Variants in FGF13 observed in about 807,000 individuals in gnomAD.
FGF13 encodes fibroblast growth factor 13.
Under a neutral mutation model 19.5 loss-of-function variants are expected in FGF13, and 2 were observed. That is an observed-to-expected ratio of 0.10 (90% CI 0.04 to 0.32). The LOEUF is 0.32. Ranked by LOEUF, FGF13 falls within the 10% of genes least tolerant of loss-of-function variation. FGF13 has a pLI of 1.00. For missense variants in FGF13, 113 were observed against 192.7 expected, an observed-to-expected ratio of 0.59 and a Z score of 2.45; for synonymous variants, 72 against 76.9, an observed-to-expected ratio of 0.94 and a Z score of 0.33.
At chrX:139,028,620 A>C (rs796789914) in intron 1 of FGF13, among the ~76,000 whole-genome samples, 1 of 30,422 alleles carries the variant, frequency 3.3e-5, no homozygotes, top group Non-Finnish European at 6.9e-5. Context: ...TGTGTGTGAG[A>C]GAGAGAGAGA....
intron 2 of FGF13, among the ~76,000 whole-genome samples, chrX:138,860,005 TCTC>T (rs985846501): frequency 9.1e-5 from 10 of 110,044 alleles, no homozygotes; most frequent in African/African-American, 3.3e-4. Context: ...TCAGGCTGTC[TCTC>T]CTCAATACCT....
intron 3 of FGF13, among the ~76,000 whole-genome samples, chrX:138,775,194 A>G (rs570088949): frequency 2.7e-5 from 3 of 112,265 alleles, no homozygotes; most frequent in African/African-American, 9.7e-5. Context: ...TCTGACCTCA[A>G]GTGATCCACC....
chrX:139,010,313 A>T (rs1743295373), intron 1 of FGF13, among the ~76,000 whole-genome samples: 1 of 111,659 alleles, frequency 9.0e-6, no homozygotes, highest in Non-Finnish European at 1.9e-5. Flanking sequence ...CTCAACAGAT[A>T]CTTGCAGGAC....
chrX:139,017,360 C>T (rs1194505668), intron 1 of FGF13, among the ~76,000 whole-genome samples: 1 of 107,249 alleles, frequency 9.3e-6, no homozygotes. Flanking sequence ...TATACACACA[C>T]ACACACACAA....
At position 139,090,941 on chromosome X, in the gene FGF13, C is replaced by CAAAAA. The variant is rs1181771963; in HGVS notation, c.-113+112470_-113+112474dup. ...TGGGTGAAAGAGGGAGACCCTGTCT[C>CAAAAA]AAAAAAAAAAAAAAAAAAAAAAAGA... On this transcript the variant is annotated intron_variant, in intron 1 of 2. Transcript: ENST00000421460. Among the ~76,000 whole-genome samples, 307 of 32,731 alleles carry CAAAAA rather than the reference C, an allele frequency of 9.4e-3. 8 individuals carry two copies. Among genetic ancestry groups the CAAAAA allele is most frequent in the African/African-American group, 0.026 (233 of 8,896 alleles). 28.4% of individuals were successfully genotyped at this position (32,731 alleles called of 115,157 possible).
intron 1 of FGF13, among the ~76,000 whole-genome samples, chrX:138,940,601 T>G (rs1256003661): frequency 8.9e-6 from 1 of 111,998 alleles, no homozygotes; most frequent in Non-Finnish European, 1.9e-5. Context: ...TTGAGATGAT[T>G]TTTGTATATG....
chrX:139,097,968 C>T (rs188357452), intron 1 of FGF13, among the ~76,000 whole-genome samples: 1 of 111,852 alleles, frequency 8.9e-6, no homozygotes, highest in South Asian at 3.7e-4. Flanking sequence ...CATGGGAGTT[C>T]ATTTTATTTT....
chrX:138,760,613 C>A (rs1194023351), intron 3 of FGF13, among the ~76,000 whole-genome samples: 1 of 111,961 alleles, frequency 8.9e-6, no homozygotes, highest in African/African-American at 3.2e-5. Context: ...GCAGGCTTGC[C>A]TTTGTCCATA....
intron 1 of FGF13, among the ~76,000 whole-genome samples, chrX:139,067,550 A>G (rs2124429173): frequency 8.9e-6 from 1 of 112,025 alleles, no homozygotes; most frequent in Non-Finnish European, 1.9e-5. Flanking sequence ...CTAAAAGAAT[A>G]AAATACTTAG....
At chrX:138,868,988 G>A (rs765603170) in intron 1 of FGF13, among the ~76,000 whole-genome samples, 1 of 111,321 alleles carries the variant, frequency 9.0e-6, no homozygotes, top group Non-Finnish European at 1.9e-5. Context: ...AATGTTGCTG[G>A]AAAATTATAT....
rs766643721 is a variant in FGF13, at chrX:138,959,626, A to G, written c.-112-94976T>C. Among the ~76,000 whole-genome samples the G allele has an allele frequency of 7.2e-5, 8 of 111,160 alleles. No homozygotes were observed. The East Asian group carries it at 2.3e-3, about 32-fold the overall frequency. ...GTCTAATGTTGACAGTGGGGTGTTA[A>G]AGTCTCCCATTATTATTGTGTGGGA... On this transcript the variant is annotated intron_variant, in intron 1 of 2. Transcript: ENST00000421460.
At chrX:139,128,633 G>A (rs147123941) in intron 1 of FGF13, among the ~76,000 whole-genome samples, 3,024 of 112,556 alleles carry the variant, frequency 0.027, 106 homozygotes, top group African/African-American at 0.091. Context: ...GTATGACCTT[G>A]AACAAGTCAG....
chrX:138,890,289 T>C (rs1307821364), intron 1 of FGF13, among the ~76,000 whole-genome samples: 2 of 111,692 alleles, frequency 1.8e-5, no homozygotes, highest in African/African-American at 6.5e-5. Context: ...CCATGACTTT[T>C]TCATTCTACA....
At chrX:138,876,893 C>T (rs1452957948) in intron 1 of FGF13, among the ~76,000 whole-genome samples, 1 of 112,473 alleles carries the variant, frequency 8.9e-6, no homozygotes, top group African/African-American at 3.2e-5. Context: ...TTAGTTACCT[C>T]AGAAAGGATA....
intron 3 of FGF13, among the ~76,000 whole-genome samples, chrX:138,647,673 T>A (rs1036634237): frequency 8.9e-6 from 1 of 112,389 alleles, no homozygotes; most frequent in Non-Finnish European, 1.9e-5. Context: ...CATTAAATTT[T>A]GAAATTGGCA....
At chrX:138,874,201 A>G (rs1320553570) in intron 1 of FGF13, among the ~76,000 whole-genome samples, 1 of 105,123 alleles carries the variant, frequency 9.5e-6, no homozygotes, top group African/African-American at 3.5e-5. Context: ...AAAAAAAACC[A>G]TTTCCCAATT....
intron 1 of FGF13, among the ~76,000 whole-genome samples, chrX:138,942,790 CTG>C (rs1312998564): frequency 9.0e-6 from 1 of 111,635 alleles, no homozygotes; most frequent in Non-Finnish European, 1.9e-5. Context: ...AAAAATACAA[CTG>C]GGGAAATTCT....
At chrX:138,874,174 A>ATG (rs1339868049) in intron 1 of FGF13, among the ~76,000 whole-genome samples, 1 of 100,302 alleles carries the variant, frequency 1.0e-5, no homozygotes, top group Non-Finnish European at 1.9e-5. Context: ...ATATATATAT[A>ATG]TAAAGTAAAA....
At chrX:139,170,999 A>G (rs780563002) in intron 1 of FGF13, among the ~76,000 whole-genome samples, 1 of 111,402 alleles carries the variant, frequency 9.0e-6, no homozygotes, top group Non-Finnish European at 1.9e-5. Flanking sequence ...TCATGTGCAG[A>G]TCCTACCTAT....
Sources: gnomAD v4.1 joint callset for allele counts (sites outside exome capture counted in the v4.1 genomes callset) on GRCh38, gnomAD v4.1.1 for gene constraint, MANE v1.5 for transcripts, NCBI Gene and HGNC (gene_info 2026-07-23, HGNC 2026-07-21) for gene names.